Variants in PLEKHG1 observed in about 807,000 individuals in gnomAD.
PLEKHG1 encodes the protein pleckstrin homology and RhoGEF domain containing G1.
Under a neutral mutation model 100.8 loss-of-function variants are expected in PLEKHG1, and 44 were observed. The ratio of observed to expected loss-of-function variants is 0.44; its 90% confidence interval spans 0.34 to 0.56. PLEKHG1 has a LOEUF of 0.56. Ranked by LOEUF, PLEKHG1 falls within the 20% of genes least tolerant of loss-of-function variation. PLEKHG1 has a pLI of 0.01. For synonymous variants in PLEKHG1, 640 were observed against 662.5 expected (o/e 0.97, Z 0.52); for missense variants, 1,545 against 1,720.9 (o/e 0.90, Z 1.81).
chr6:150,791,242 T>G (rs1785962377), intron 4 of PLEKHG1, among the ~76,000 whole-genome samples: 6 of 152,118 alleles, frequency 3.9e-5, no homozygotes. Context: ...ATTCTGATAC[T>G]CAAGTTTGAG....
intron 3 of PLEKHG1, among the ~76,000 whole-genome samples, chr6:150,713,619 G>C (rs529148445): frequency 6.6e-6 from 1 of 152,300 alleles, no homozygotes; most frequent in African/African-American, 2.4e-5. Flanking sequence ...TCAGGTGTGG[G>C]AGTTTGAGCC....
chr6:150,806,223 C>CTTTT lies in PLEKHG1; in HGVS notation c.912+1503_912+1506dup, dbSNP rs58040509. The stretch of plus-strand genomic sequence containing the variant: ...GATGACATTCTAATCTTCCAGGCTG[C>CTTTT]TTTTTTTTTTTTTTTTTTTTTTTTG... On this transcript the variant is annotated intron_variant, in intron 7 of 15. Transcript: ENST00000358517. Among the ~76,000 whole-genome samples, 176 of 89,746 alleles carry CTTTT rather than the reference C, an allele frequency of 2.0e-3. 1 individual carries two copies. The highest frequency in any genetic ancestry group is 2.7e-3 in the African/African-American group (67 of 25,222). 58.9% of individuals were successfully genotyped at this position (89,746 alleles called of 152,430 possible).
At chr6:150,667,503 C>G (rs1779443536) in intron 3 of PLEKHG1, among the ~76,000 whole-genome samples, 1 of 152,148 alleles carries the variant, frequency 6.6e-6, no homozygotes, top group South Asian at 2.1e-4. Flanking sequence ...AATTTAGGAT[C>G]ATAAGGTATC....
intron 2 of PLEKHG1, among the ~76,000 whole-genome samples, chr6:150,759,996 A>G (rs2128634025): frequency 6.6e-6 from 1 of 152,326 alleles, no homozygotes; most frequent in East Asian, 1.9e-4. Flanking sequence ...TCTCTAAACA[A>G]AAATAAAGAA....
chr6:150,661,927 C>G (rs1205022463), intron 3 of PLEKHG1, among the ~76,000 whole-genome samples: 1 of 151,940 alleles, frequency 6.6e-6, no homozygotes, highest in Non-Finnish European at 1.5e-5. Context: ...TGTTTTGTGG[C>G]AAGAGCTTAG....
intron 1 of PLEKHG1, chr6:150,637,979 G>C (rs2128566267): frequency 1.3e-5 from 2 of 152,214 alleles, no homozygotes; most frequent in Middle Eastern, 6.8e-3. Flanking sequence ...CTGAATGAGG[G>C]CTTAGCCATA....
exon 1 of PLEKHG1, chr6:150,599,980 C>G (rs1273222953): frequency 1.3e-5 from 3 of 231,890 alleles, no homozygotes; most frequent in Non-Finnish European, 2.7e-5. Flanking sequence ...GCCCGACCTG[C>G]GAGCGCCGCC....
At chr6:150,603,843 C>T (rs1009841000) in intron 1 of PLEKHG1, among the ~76,000 whole-genome samples, 4 of 152,132 alleles carry the variant, frequency 2.6e-5, no homozygotes, top group African/African-American at 7.2e-5. Flanking sequence ...TCTTCTTTTC[C>T]CCTCCCTTCG....
At chr6:150,818,525 CA>C (rs1398315210) in intron 11 of PLEKHG1, among the ~76,000 whole-genome samples, 4 of 152,184 alleles carry the variant, frequency 2.6e-5, no homozygotes, top group African/African-American at 9.7e-5. Context: ...CTACCACCAC[CA>C]AAAACCAGAG....
intron 2 of PLEKHG1, among the ~76,000 whole-genome samples, chr6:150,748,443 A>C (rs6901925): frequency 0.42 from 63,755 of 151,902 alleles, 15,650 homozygotes; most frequent in African/African-American, 0.67. Flanking sequence ...TATATGTTTT[A>C]TATTCCTCAC....
intron 3 of PLEKHG1, among the ~76,000 whole-genome samples, chr6:150,677,936 C>CA (rs1722259653): frequency 6.8e-6 from 1 of 147,176 alleles, no homozygotes; most frequent in Non-Finnish European, 1.5e-5. Context: ...TGCATAAAGG[C>CA]AAAATGCAAC....
At chr6:150,733,656 G>A (rs199808391) in exon 2 of PLEKHG1, 89 of 1,614,104 alleles carry the variant, frequency 5.5e-5, no homozygotes, top group Middle Eastern at 1.6e-4. Context: ...ACAGCCAGGC[G>A]TTCCTGCCCT....
chr6:150,712,100 T>C (rs1182821514), intron 3 of PLEKHG1, among the ~76,000 whole-genome samples: 2 of 152,122 alleles, frequency 1.3e-5, no homozygotes, highest in Admixed American at 1.3e-4. Flanking sequence ...ACGACAACAG[T>C]GGGAAGCCTT....
intron 15 of PLEKHG1, among the ~76,000 whole-genome samples, chr6:150,835,198 G>C (rs1251946103): frequency 1.3e-5 from 2 of 152,120 alleles, no homozygotes; most frequent in African/African-American, 4.8e-5. Context: ...CCATATCTTA[G>C]AGCCTGTCAT....
At chr6:150,815,542 A>G (rs1272007235) in intron 10 of PLEKHG1, among the ~76,000 whole-genome samples, 3 of 152,246 alleles carry the variant, frequency 2.0e-5, no homozygotes, top group African/African-American at 4.8e-5. Flanking sequence ...TGCACTTCCC[A>G]GAGAGAGACT....
intron 3 of PLEKHG1, among the ~76,000 whole-genome samples, chr6:150,674,628 C>CCCTCCCTCT (rs1554258824): frequency 0.043 from 2,182 of 51,320 alleles, 123 homozygotes; most frequent in South Asian, 0.087. Context: ...TTCTCTCTCT[C>CCCTCCCTCT]CTCCCTCTCT....
At chr6:150,702,859 C>T (rs4869934) in intron 3 of PLEKHG1, among the ~76,000 whole-genome samples, 29,633 of 152,022 alleles carry the variant, frequency 0.19, 5,024 homozygotes, top group African/African-American at 0.47. Flanking sequence ...CCTGAAGTTC[C>T]CCCACTCTGT....
At chr6:150,833,765 A>G (rs774447142) in intron 15 of PLEKHG1, among the ~76,000 whole-genome samples, 8 of 152,192 alleles carry the variant, frequency 5.3e-5, no homozygotes, top group Non-Finnish European at 1.0e-4. Context: ...CTAACCAAGG[A>G]CCACCTTAGT....
At chr6:150,822,462 G>A (rs1776361457) in intron 13 of PLEKHG1, among the ~76,000 whole-genome samples, 1 of 152,178 alleles carries the variant, frequency 6.6e-6, no homozygotes, top group Non-Finnish European at 1.5e-5. Flanking sequence ...TTACCCACAT[G>A]CAGACGGATT....
Sources: gnomAD v4.1 joint callset for allele counts (sites outside exome capture counted in the v4.1 genomes callset) on GRCh38, gnomAD v4.1.1 for gene constraint, MANE v1.5 for transcripts, NCBI Gene and HGNC (gene_info 2026-07-23, HGNC 2026-07-21) for gene names.